Variants in FANCC observed in about 807,000 individuals in gnomAD.
FANCC encodes the protein FA complementation group C.
In FANCC, 55 loss-of-function variants were observed where a neutral mutation model predicts 71.3. The ratio of observed to expected loss-of-function variants is 0.77; its 90% CI spans 0.62 to 0.97. The LOEUF (loss-of-function observed/expected upper bound fraction) is 0.97. Among genes scored for constraint, FANCC ranks in the 50% least tolerant of loss-of-function variants. The pLI is 0.00. For missense variants in FANCC, 678 were observed against 670.9 expected (o/e 1.01, Z -0.12); for synonymous variants, 275 against 244.9 (o/e 1.12, Z -1.15).
At position 95,293,597 on chromosome 9, in the gene FANCC, T is replaced by C. The variant is rs1029882194; in HGVS notation, c.-79+23929A>G. The C allele has an allele frequency of 6.8e-6, 11 of 1,614,096 alleles. No homozygotes were observed. The African/African-American group carries it at 8.0e-5, about 12-fold the overall frequency. ...TCAACGTGCAGACAGATCTGTCTTATGCCTCACAAAACTTTATACCTTCTG... is the reference window on the plus strand; with the variant it reads ...TCAACGTGCAGACAGATCTGTCTTACGCCTCACAAAACTTTATACCTTCTG... On this transcript the variant is annotated intron_variant, in intron 1 of 14. Coordinates refer to ENST00000289081, the MANE Select transcript of FANCC (RefSeq NM_000136.3).
intron 1 of FANCC, among the ~76,000 whole-genome samples, chr9:95,267,298 G>A (rs189011257): frequency 7.2e-5 from 11 of 152,078 alleles, no homozygotes; most frequent in African/African-American, 2.7e-4. Flanking sequence ...ATGGAGTGGC[G>A]GTCTAGGGAG....
rs374057015 is a variant in FANCC at position 95,129,715 on chromosome 9, C to T, written c.844-3134G>A. Among the ~76,000 whole-genome samples, 11 of 152,320 alleles carry T rather than the reference C, an allele frequency of 7.2e-5. No homozygotes were observed. The East Asian group carries it at 7.7e-4, about 11-fold the overall frequency. On this transcript the variant is annotated intron_variant, in intron 8 of 14. Coordinates refer to ENST00000289081, the MANE Select transcript of FANCC (RefSeq NM_000136.3). ...AATTTCCACAGGCAGATCATTTCAA[C>T]TCGAGGGGAGCTATGTCAGCAGGAG... is the stretch of plus-strand genomic sequence containing the variant.
intron 13 of FANCC, among the ~76,000 whole-genome samples, chr9:95,107,872 C>G (rs2071581493): frequency 6.6e-6 from 1 of 152,224 alleles, no homozygotes; most frequent in South Asian, 2.1e-4. Flanking sequence ...GGCCACAAGT[C>G]TGTGGAACCC....
intron 10 of FANCC, among the ~76,000 whole-genome samples, chr9:95,119,873 A>G (rs569388916): frequency 5.9e-5 from 9 of 152,208 alleles, no homozygotes; most frequent in African/African-American, 2.2e-4. Flanking sequence ...CACCACGTTC[A>G]GCTAAATTTT....
chr9:95,191,870 C>T (rs549723439), intron 4 of FANCC, among the ~76,000 whole-genome samples: 1 of 152,208 alleles, frequency 6.6e-6, no homozygotes, highest in Admixed American at 6.5e-5. Flanking sequence ...ACCGTGATCC[C>T]AGCCACCATG....
In FANCC at chr9:95,230,499, G is replaced by A. The variant is rs1206654202; in HGVS notation, c.345+10150C>T. On this transcript the variant is annotated intron_variant, in intron 4 of 14. Transcript: ENST00000289081. ...TCTCGCTGACTTCAAGAATGAAGCCGCGGACTCTCGCAGTGAGTGTTACAG... is the reference window on the plus strand; with the variant it reads ...TCTCGCTGACTTCAAGAATGAAGCCACGGACTCTCGCAGTGAGTGTTACAG... Among the ~76,000 whole-genome samples the A allele has an allele frequency of 3.9e-5, 6 of 152,118 alleles. No homozygotes were observed. The East Asian group carries it at 5.8e-4, about 15-fold the overall frequency.
At position 95,101,607 on chromosome 9, in the gene FANCC, G is replaced by C; in HGVS notation, c.*100C>G. The C allele has an allele frequency of 7.0e-7, 1 of 1,425,236 alleles. No individual in the cohort carries two copies. The highest frequency in any genetic ancestry group is 9.7e-7 in the Non-Finnish European group (1 of 1,026,652). 88.3% of individuals were successfully genotyped at this position (1,425,236 alleles called of 1,614,324 possible). ...AGCTCATTCTCACAGCCCAGCGAGG[G>C]CACTTACTCCACAAATGCGTGGCCA... On this transcript the variant is annotated 3_prime_UTR_variant, in exon 15 of 15. Transcript: ENST00000289081.
At chr9:95,313,289 C>T (rs1047613626) in intron 1 of FANCC, among the ~76,000 whole-genome samples, 5 of 152,176 alleles carry the variant, frequency 3.3e-5, no homozygotes, top group African/African-American at 1.2e-4. Context: ...ACTATGGGAG[C>T]TCCGCCCTGG....
At chr9:95,273,280 TTCTA>T (rs1832842244) in intron 1 of FANCC, among the ~76,000 whole-genome samples, 2 of 152,222 alleles carry the variant, frequency 1.3e-5, no homozygotes, top group African/African-American at 2.4e-5. Context: ...AACCTTGGTT[TTCTA>T]TCTTTTTGTG....
intron 1 of FANCC, among the ~76,000 whole-genome samples, chr9:95,284,507 A>G (rs1313348457): frequency 3.3e-5 from 5 of 152,198 alleles, no homozygotes; most frequent in Admixed American, 3.3e-4. Context: ...CTGGGAAAAG[A>G]GTGTACTTGA....
At chr9:95,116,774 T>C (rs2072458299) in intron 11 of FANCC, among the ~76,000 whole-genome samples, 1 of 152,204 alleles carries the variant, frequency 6.6e-6, no homozygotes, top group Admixed American at 6.5e-5. Context: ...CCCAGCTGGA[T>C]AGCCTTTGGA....
At chr9:95,109,261 G>A (rs562563863) in intron 13 of FANCC, among the ~76,000 whole-genome samples, 80 of 152,212 alleles carry the variant, frequency 5.3e-4, no homozygotes, top group African/African-American at 1.9e-3. Flanking sequence ...CCATGGTTAG[G>A]ATATACCACA....
intron 10 of FANCC, among the ~76,000 whole-genome samples, chr9:95,119,034 G>A (rs2072658738): frequency 6.6e-6 from 1 of 152,194 alleles, no homozygotes; most frequent in Admixed American, 6.5e-5. Context: ...CAATGTATGT[G>A]AATTCCAGTT....
At chr9:95,128,265 A>C (rs1392982004) in intron 8 of FANCC, among the ~76,000 whole-genome samples, 1 of 152,244 alleles carries the variant, frequency 6.6e-6, no homozygotes, top group Non-Finnish European at 1.5e-5. Context: ...TCTTGAAGAA[A>C]TGTGATTCAT....
At chr9:95,134,971 G>C (rs1049605226) in intron 8 of FANCC, among the ~76,000 whole-genome samples, 5 of 152,216 alleles carry the variant, frequency 3.3e-5, no homozygotes, top group African/African-American at 1.2e-4. Flanking sequence ...CTAGTGAAGA[G>C]CTACAAGTTT....
At chr9:95,104,198 C>T (rs565715466) in intron 14 of FANCC, among the ~76,000 whole-genome samples, 50 of 152,294 alleles carry the variant, frequency 3.3e-4, no homozygotes, top group African/African-American at 7.5e-4. Flanking sequence ...CCCTGCCACG[C>T]GGCCACCGCA....
At chr9:95,249,719 A>G (rs1438274683) in intron 1 of FANCC, among the ~76,000 whole-genome samples, 1 of 152,230 alleles carries the variant, frequency 6.6e-6, no homozygotes, top group Non-Finnish European at 1.5e-5. Flanking sequence ...TTAATGTAAT[A>G]GAAAATAAAA....
At chr9:95,293,330 G>A (rs1834171537) in intron 1 of FANCC, 1 of 1,609,070 alleles carries the variant, frequency 6.2e-7, no homozygotes, top group Admixed American at 1.7e-5. Context: ...GGTGTTAGGT[G>A]TTGATCAGGG....
chr9:95,294,212 C>T lies in FANCC; in HGVS notation c.-79+23314G>A, dbSNP rs574038668. 1.3e-5 allele frequency: 20 copies of T among 1,593,816 alleles called. No individual in the cohort carries two copies. In the African/African-American group the frequency reaches 1.9e-4, roughly 15 times the overall value. ...AATCCTGGACCTGACACCCAGCTCC[C>T]ATCTGGCCCAGCCCAGAACCCTGGA... On this transcript the variant is annotated intron_variant, in intron 1 of 14. Coordinates refer to ENST00000289081, the MANE Select transcript of FANCC (RefSeq NM_000136.3).
Sources: allele counts gnomAD v4.1 joint callset (sites outside exome capture counted in the v4.1 genomes callset), GRCh38; gene constraint gnomAD v4.1.1; transcripts MANE v1.5; gene names NCBI Gene and HGNC (gene_info 2026-07-23, HGNC 2026-07-21).